Variants in ASAP1 observed in about 807,000 individuals in gnomAD.
The protein encoded by ASAP1 is ArfGAP with SH3 domain, ankyrin repeat and PH domain 1.
Under a neutral mutation model 145.2 loss-of-function variants are expected in ASAP1, and 43 were observed. The ratio of observed to expected loss-of-function variants is 0.30; its 90% CI spans 0.23 to 0.38. The LOEUF is 0.38. ASAP1 is among the 10% of genes least tolerant of loss of function. The pLI is 1.00. For missense variants in ASAP1, 1,018 were observed against 1,355.3 expected, an observed-to-expected ratio of 0.75 and a Z score of 3.91; for synonymous variants, 546 against 515.5, an observed-to-expected ratio of 1.06 and a Z score of -0.80.
chr8:130,301,380 C>T (rs1486031331), intron 3 of ASAP1, among the ~76,000 whole-genome samples: 1 of 152,206 alleles, frequency 6.6e-6, no homozygotes, highest in African/African-American at 2.4e-5. Flanking sequence ...TACACTGCTG[C>T]TCCTTCTGTT....
At chr8:130,064,404 C>T (rs2097425867) in intron 27 of ASAP1, among the ~76,000 whole-genome samples, 1 of 152,120 alleles carries the variant, frequency 6.6e-6, no homozygotes, top group Non-Finnish European at 1.5e-5. Context: ...AAGGCCTGAA[C>T]ACCTGGAAGA....
In ASAP1 at chr8:130,115,652, C is replaced by T; in HGVS notation, c.2148G>A (p.Glu716=). The T allele has an allele frequency of 6.2e-7, 1 of 1,613,958 alleles. No individual in the cohort carries two copies. The highest frequency in any genetic ancestry group is 8.5e-7 in the Non-Finnish European group (1 of 1,179,838). ...CTTTGTCATCCAGATCATCATCGCT[C>T]TCATCTATCTCCTCCTGTCGAAGAT... The part of the protein sequence containing the change: ...EWNLRQEEID[E]SDDDLDDKPS... Residue 716 remains glutamate, a synonymous_variant, in exon 23 of 30, where the codon GAG becomes GAA. Transcript: ENST00000518721.
chr8:130,335,270 AC>A (rs1824959691), intron 3 of ASAP1, among the ~76,000 whole-genome samples: 1 of 152,114 alleles, frequency 6.6e-6, no homozygotes, highest in Non-Finnish European at 1.5e-5. Context: ...CATGCAACAG[AC>A]CCTCAGCCAA....
Position 130,241,847 on chromosome 8 carries a change from G to A in ASAP1, c.187-4853C>T, listed in dbSNP as rs57129132. 6.3e-3 allele frequency among the ~76,000 whole-genome samples: 966 copies of A among 152,134 alleles called. 8 individuals are homozygous for A. Among genetic ancestry groups the A allele is most frequent in the African/African-American group, 0.023 (935 of 41,510 alleles). On this transcript the variant is annotated intron_variant, in intron 3 of 29. Transcript: ENST00000518721. ...CAATACTGTTGCCACTATTCATTAA[G>A]ACTTTCTATTTTAGAATTACTTTCT... is the stretch of plus-strand genomic sequence containing the variant.
chr8:130,094,508 T>A (rs925159199), intron 24 of ASAP1, among the ~76,000 whole-genome samples: 2 of 152,038 alleles, frequency 1.3e-5, no homozygotes, highest in Non-Finnish European at 2.9e-5. Flanking sequence ...ACGCCTAGTC[T>A]AAATTTAAAA....
intron 4 of ASAP1, among the ~76,000 whole-genome samples, chr8:130,226,427 A>C (rs1817591141): frequency 1.3e-5 from 2 of 152,186 alleles, no homozygotes; most frequent in African/African-American, 4.8e-5. Flanking sequence ...TTTTCCCACC[A>C]CTAACTGTAT....
chr8:130,179,442 C>A (rs950543269), intron 8 of ASAP1, 93 bp from the exon 9 acceptor site: 19 of 719,114 alleles, frequency 2.6e-5, no homozygotes, highest in South Asian at 5.0e-5. Flanking sequence ...CCTGAATCTG[C>A]ACAAGTTACC....
intron 15 of ASAP1, among the ~76,000 whole-genome samples, chr8:130,128,999 G>A (rs13256967): frequency 0.17 from 25,275 of 152,158 alleles, 2,410 homozygotes; most frequent in African/African-American, 0.25. Context: ...GGAGAGACCC[G>A]TGTAGGAGGT....
intron 1 of ASAP1, among the ~76,000 whole-genome samples, chr8:130,407,838 T>C (rs1829102865): frequency 6.6e-6 from 1 of 152,212 alleles, no homozygotes; most frequent in Non-Finnish European, 1.5e-5. Context: ...AATGTTGGGA[T>C]TTGTATCCTT....
chr8:130,069,671 A>G (rs1298829134), intron 27 of ASAP1: 1 of 152,226 alleles, frequency 6.6e-6, no homozygotes, highest in Non-Finnish European at 1.5e-5. Flanking sequence ...TCTTAATACA[A>G]CATTATCGAA....
At chr8:130,141,490 A>G (rs542540672) in intron 13 of ASAP1, among the ~76,000 whole-genome samples, 1 of 151,922 alleles carries the variant, frequency 6.6e-6, no homozygotes, top group African/African-American at 2.4e-5. Context: ...ATTTTTGTAC[A>G]CCCTGCTGTA....
chr8:130,252,679 G>C (rs968648646), intron 3 of ASAP1, among the ~76,000 whole-genome samples: 3 of 152,130 alleles, frequency 2.0e-5, no homozygotes, highest in African/African-American at 7.2e-5. Flanking sequence ...TTCTGTTGTA[G>C]TTTTAAAGTT....
At chr8:130,238,561 C>T (rs1818346688) in intron 3 of ASAP1, among the ~76,000 whole-genome samples, 2 of 152,086 alleles carry the variant, frequency 1.3e-5, no homozygotes, top group African/African-American at 4.8e-5. Flanking sequence ...ATTTACTGAG[C>T]ACTTACTAGA....
Position 130,341,384 on chromosome 8 carries a change from A to C in ASAP1, c.186+16633T>G, listed in dbSNP as rs888919751. ...ATCAGTTGTGGGATCTTGGGTAAGA[A>C]CTGCAAGCAGAGCAGTTAATGGCAG... is the stretch of plus-strand genomic sequence containing the variant. On this transcript the variant is annotated intron_variant, in intron 3 of 29. Coordinates refer to ENST00000518721, the MANE Select transcript of ASAP1 (RefSeq NM_018482.4). 2.0e-4 allele frequency among the ~76,000 whole-genome samples: 30 copies of C among 152,170 alleles called. 1 individual carries two copies. Among genetic ancestry groups the C allele is most frequent in the Non-Finnish European group, 7.4e-5 (5 of 68,022 alleles).
At chr8:130,291,274 C>T (rs1821928313) in intron 3 of ASAP1, among the ~76,000 whole-genome samples, 1 of 152,166 alleles carries the variant, frequency 6.6e-6, no homozygotes, top group Non-Finnish European at 1.5e-5. Flanking sequence ...ATGCTGGAGC[C>T]AGAAATAGAC....
At chr8:130,178,402 G>T (rs1297737150) in intron 9 of ASAP1, among the ~76,000 whole-genome samples, 1 of 152,148 alleles carries the variant, frequency 6.6e-6, no homozygotes, top group Non-Finnish European at 1.5e-5. Context: ...AAGTAAACAA[G>T]CAAATGTGGC....
chr8:130,227,478 G>A (rs1817652289), intron 4 of ASAP1, among the ~76,000 whole-genome samples: 2 of 151,790 alleles, frequency 1.3e-5, no homozygotes, highest in South Asian at 2.1e-4. Context: ...GGCTGGTCTC[G>A]AATTCCTGGG....
At chr8:130,055,878 G>A (rs918218008) in intron 29 of ASAP1, among the ~76,000 whole-genome samples, 1 of 152,250 alleles carries the variant, frequency 6.6e-6, no homozygotes, top group Non-Finnish European at 1.5e-5. Context: ...CACCGCGTGT[G>A]GTCTTAGTTG....
intron 2 of ASAP1, among the ~76,000 whole-genome samples, chr8:130,362,853 AAAAT>A (rs1418151812): frequency 6.6e-6 from 1 of 152,234 alleles, no homozygotes; most frequent in Non-Finnish European, 1.5e-5. Flanking sequence ...CCAACTCACT[AAAAT>A]AAAATAAAAT....
Sources: allele counts gnomAD v4.1 joint callset (sites outside exome capture counted in the v4.1 genomes callset), GRCh38; gene constraint gnomAD v4.1.1; transcripts MANE v1.5; gene names NCBI Gene and HGNC (gene_info 2026-07-23, HGNC 2026-07-21).